Variants in FBN2 observed in about 807,000 individuals in gnomAD.
FBN2 encodes fibrillin-2.
FBN2 carries 105 observed loss-of-function variants against 355.6 expected under a neutral mutation model. That is an observed-to-expected ratio of 0.30 (90% confidence interval 0.25 to 0.35). FBN2 has a LOEUF of 0.35. Ranked by LOEUF, FBN2 falls within the 10% of genes least tolerant of loss-of-function variation. The pLI is 1.00. For missense variants in FBN2, 3,280 were observed against 3,758.7 expected, an observed-to-expected ratio of 0.87 and a Z score of 3.33; for synonymous variants, 1,350 against 1,301.2, an observed-to-expected ratio of 1.04 and a Z score of -0.81.
At chr5:128,295,767 T>C (rs1749488669) in intron 48 of FBN2, among the ~76,000 whole-genome samples, 1 of 135,182 alleles carries the variant, frequency 7.4e-6, no homozygotes, top group Non-Finnish European at 1.5e-5. Flanking sequence ...AGATATACAA[T>C]CATGTCGTCT....
At chr5:128,281,028 CA>C (rs752951984) in intron 55 of FBN2, among the ~76,000 whole-genome samples, 15 of 152,048 alleles carry the variant, frequency 9.9e-5, no homozygotes, top group Non-Finnish European at 1.9e-4. Context: ...TGGCTCCTTT[CA>C]TCTTTATACT....
At chr5:128,463,383 G>A (rs1581318906) in intron 6 of FBN2, among the ~76,000 whole-genome samples, 1 of 152,070 alleles carries the variant, frequency 6.6e-6, no homozygotes, top group Non-Finnish European at 1.5e-5. Flanking sequence ...ATTAAGGCCT[G>A]AGCTGTGTTC....
chr5:128,514,700 G>A (rs1581363359), intron 5 of FBN2, among the ~76,000 whole-genome samples: 1 of 152,070 alleles, frequency 6.6e-6, no homozygotes, highest in East Asian at 1.9e-4. Flanking sequence ...TTGTCCTTTT[G>A]TGTTATTACA....
intron 7 of FBN2, among the ~76,000 whole-genome samples, chr5:128,429,907 T>A (rs1294428106): frequency 6.6e-6 from 1 of 152,182 alleles, no homozygotes; most frequent in African/African-American, 2.4e-5. Flanking sequence ...GAGAACTTTT[T>A]TCTTTTGCAA....
In FBN2 at chr5:128,369,333, A is replaced by G; in HGVS notation, c.2097T>C (p.Asp699=). 6.2e-7 allele frequency: 1 copy of G among 1,614,098 alleles called. No homozygotes were observed. Among genetic ancestry groups the G allele is most frequent in the South Asian group, 1.1e-5 (1 of 91,082 alleles). Residue 699 remains aspartate (D), a splice_region_variant and synonymous_variant, in exon 16 of 65, where the codon GAT becomes GAC. Coordinates refer to ENST00000262464, the MANE Select transcript of FBN2 (RefSeq NM_001999.4). ...AVGMDGRVCV[D]THMRSTCYGG... ...CATAGCAGGTACTGCGCATGTGAGT[A>G]TCTAAAGGAGATACAAAAACAATGA... is the stretch of plus-strand genomic sequence containing the variant.
In FBN2 at chr5:128,259,754, A is replaced by T; in HGVS notation, c.8440T>A (p.Ser2814Thr). 1 of 1,613,704 alleles carries T rather than the reference A, an allele frequency of 6.2e-7. No homozygotes were observed. Among genetic ancestry groups the T allele is most frequent in the Non-Finnish European group, 8.5e-7 (1 of 1,179,948 alleles). The change falls in exon 65 of 65, where the codon TCT becomes ACT. Residue 2814 changes from serine to threonine, a missense_variant. Around this residue, in one of 6 missense-constraint regions of FBN2, gnomAD observed 311 missense variants for 319.1 expected, o/e 0.97. Transcript: ENST00000262464. ...NMKFNLSHLG[S>T]KEHILELRPA... ...CTTAGTTCCAGGATGTGCTCCTTAG[A>T]GCCGAGGTGGGAGAGGTTGAACTTC... is the stretch of plus-strand genomic sequence containing the variant.
intron 62 of FBN2, among the ~76,000 whole-genome samples, chr5:128,268,097 G>C (rs920049094): frequency 1.7e-4 from 26 of 151,988 alleles, no homozygotes; most frequent in Non-Finnish European, 7.4e-5. Flanking sequence ...CCAGGAGCTG[G>C]CTTTTTGAAA....
chr5:128,330,171 T>C (rs1471073154), intron 33 of FBN2, among the ~76,000 whole-genome samples: 1 of 152,224 alleles, frequency 6.6e-6, no homozygotes, highest in Admixed American at 6.5e-5. Flanking sequence ...AATTGTATTA[T>C]TACTATTGCA....
intron 25 of FBN2, among the ~76,000 whole-genome samples, chr5:128,340,803 CTT>C (rs1207853435): frequency 6.6e-6 from 1 of 151,542 alleles, no homozygotes; most frequent in Non-Finnish European, 1.5e-5. Context: ...AGTGCTCTCT[CTT>C]TCTCTCTCTC....
At chr5:128,262,071 A>G (rs1319662768) in intron 63 of FBN2, among the ~76,000 whole-genome samples, 164 bp from the exon 64 acceptor site, 1 of 152,194 alleles carries the variant, frequency 6.6e-6, no homozygotes, top group Non-Finnish European at 1.5e-5. Context: ...TTTCTTTTAG[A>G]GACAGGGTCT....
intron 5 of FBN2, among the ~76,000 whole-genome samples, chr5:128,493,941 C>T (rs1220223804): frequency 2.0e-5 from 3 of 152,094 alleles, no homozygotes; most frequent in Admixed American, 1.3e-4. Flanking sequence ...ATAAGGAATA[C>T]AGAGAGAAAA....
At chr5:128,260,944 A>G (rs1396485897) in intron 64 of FBN2, among the ~76,000 whole-genome samples, 1 of 152,228 alleles carries the variant, frequency 6.6e-6, no homozygotes, top group African/African-American at 2.4e-5. Context: ...ATCTCTAGAT[A>G]TGAGATATTA....
chr5:128,427,979 T>C (rs559721887), intron 7 of FBN2, among the ~76,000 whole-genome samples: 7 of 152,338 alleles, frequency 4.6e-5, no homozygotes, highest in African/African-American at 1.7e-4. Flanking sequence ...TCTCAGTTAA[T>C]GGCAATTTCA....
chr5:128,531,984 T>C (rs888206922), intron 2 of FBN2, among the ~76,000 whole-genome samples: 4 of 152,106 alleles, frequency 2.6e-5, no homozygotes, highest in Non-Finnish European at 5.9e-5. Context: ...AAGACAGCCT[T>C]GATTCTAAGT....
intron 5 of FBN2, among the ~76,000 whole-genome samples, chr5:128,499,918 C>T (rs1755759769): frequency 6.6e-6 from 1 of 152,078 alleles, no homozygotes; most frequent in South Asian, 2.1e-4. Flanking sequence ...AGTTTGCATG[C>T]ATTAAACCAC....
rs1435797286 is a variant in FBN2, at chr5:128,408,810, G to A, written c.953-11C>T. The A allele has an allele frequency of 6.2e-7, 1 of 1,613,788 alleles. No homozygotes were observed. Among genetic ancestry groups the A allele is most frequent in the South Asian group, 1.1e-5 (1 of 91,074 alleles). ...TGCACTCATCAATGTCTAATCAAGG[G>A]AAGAAGGAGAAGATGATTGAGAAAG... On this transcript the variant is annotated splice_polypyrimidine_tract_variant and intron_variant, in intron 7 of 64. Transcript: ENST00000262464.
chr5:128,397,985 C>T (rs1468099872), intron 8 of FBN2, among the ~76,000 whole-genome samples: 1 of 152,058 alleles, frequency 6.6e-6, no homozygotes, highest in Non-Finnish European at 1.5e-5. Flanking sequence ...AAGAAACTTG[C>T]CTGTCTCTAC....
chr5:128,510,362 G>A (rs1260197656), intron 5 of FBN2, among the ~76,000 whole-genome samples: 2 of 152,238 alleles, frequency 1.3e-5, no homozygotes, highest in Non-Finnish European at 2.9e-5. Context: ...AGCCACAGGT[G>A]GGGCAAACTT....
chr5:128,526,837 T>C (rs1756574101), intron 4 of FBN2, among the ~76,000 whole-genome samples: 1 of 152,180 alleles, frequency 6.6e-6, no homozygotes, highest in African/African-American at 2.4e-5. Context: ...GTGAATGGAC[T>C]TAATGCCACT....
Sources: allele counts gnomAD v4.1 joint callset (sites outside exome capture counted in the v4.1 genomes callset), GRCh38; gene constraint gnomAD v4.1.1; regional missense constraint gnomAD v4.1.1; transcripts MANE v1.5; gene names NCBI Gene and HGNC (gene_info 2026-07-23, HGNC 2026-07-21).